LINGO2: variants seen among roughly 807,000 people sequenced by gnomAD.
LINGO2 encodes the protein leucine rich repeat and Ig domain containing 2.
LINGO2 carries 14 observed loss-of-function variants against 30.6 expected under a neutral mutation model. The observed-to-expected ratio is 0.46, with a 90% CI of 0.30 to 0.72. The LOEUF is 0.72. Among genes scored for constraint, LINGO2 ranks in the 30% least tolerant of loss-of-function variants. The pLI is 0.07. For missense variants in LINGO2, 729 were observed against 751.7 expected, an observed-to-expected ratio of 0.97 and a Z score of 0.35; for synonymous variants, 317 against 288.5, an observed-to-expected ratio of 1.10 and a Z score of -1.00.
intron 4 of LINGO2, among the ~76,000 whole-genome samples, chr9:28,105,719 ACTCTCT>A (rs369866533): frequency 9.5e-5 from 14 of 147,756 alleles, no homozygotes; most frequent in African/African-American, 3.0e-4. Flanking sequence ...AACCTGTCTC[ACTCTCT>A]CTCTCTCTCT....
intron 5 of LINGO2, among the ~76,000 whole-genome samples, chr9:27,955,228 A>T (rs1819508478): frequency 6.6e-6 from 1 of 152,210 alleles, no homozygotes; most frequent in African/African-American, 2.4e-5. Context: ...TTATTTAGTT[A>T]CCTTGACATT....
chr9:27,976,099 C>A (rs1160724609), intron 5 of LINGO2, among the ~76,000 whole-genome samples: 2 of 152,070 alleles, frequency 1.3e-5, no homozygotes, highest in Non-Finnish European at 2.9e-5. Context: ...CTCAATTTTA[C>A]CTTTGTAAAA....
chr9:28,506,421 TACAC>T (rs1235639387), intron 1 of LINGO2, among the ~76,000 whole-genome samples: 10 of 5,146 alleles, frequency 1.9e-3, no homozygotes, highest in Admixed American at 4.3e-3. Context: ...TATATATATA[TACAC>T]ACACACACAC....
At chr9:28,730,043 T>A in the LINGO2 span, among the ~76,000 whole-genome samples, 1 of 152,040 alleles carries the variant, frequency 6.6e-6, no homozygotes, top group African/African-American at 2.4e-5. Context: ...AAAATAAAAA[T>A]AATTTTAACT....
chr9:29,145,418 GT>G, the LINGO2 span, among the ~76,000 whole-genome samples: 1 of 146,624 alleles, frequency 6.8e-6, no homozygotes, highest in Admixed American at 6.9e-5. Context: ...GAAAAAATTA[GT>G]GTTTTTTTTT....
the LINGO2 span, among the ~76,000 whole-genome samples, chr9:28,715,010 T>C: frequency 6.6e-6 from 1 of 152,176 alleles, no homozygotes; most frequent in African/African-American, 2.4e-5. Context: ...CTGTATCTTT[T>C]GTATTTTTAT....
chr9:28,760,492 A>T, the LINGO2 span, among the ~76,000 whole-genome samples: 2 of 152,072 alleles, frequency 1.3e-5, no homozygotes, highest in African/African-American at 4.8e-5. Flanking sequence ...AAGGCTTGTT[A>T]AATTTTCTTT....
chr9:28,047,189 C>T (rs187038020), intron 4 of LINGO2, among the ~76,000 whole-genome samples: 3 of 152,210 alleles, frequency 2.0e-5, no homozygotes, highest in Non-Finnish European at 2.9e-5. Context: ...CTTCGTCTTT[C>T]GGCCACTTTG....
At chr9:28,459,592 T>C (rs978846016) in intron 2 of LINGO2, among the ~76,000 whole-genome samples, 12 of 152,046 alleles carry the variant, frequency 7.9e-5, no homozygotes, top group African/African-American at 2.7e-4. Context: ...TTAATATGGA[T>C]CTAGGGTCCC....
intron 4 of LINGO2, among the ~76,000 whole-genome samples, chr9:28,125,509 A>C (rs1270233917): frequency 2.0e-5 from 3 of 152,228 alleles, no homozygotes; most frequent in Non-Finnish European, 4.4e-5. Context: ...CCAAATGCTG[A>C]AGCTAGACTG....
chr9:27,998,111 T>C (rs1031861381), intron 5 of LINGO2, among the ~76,000 whole-genome samples: 1 of 152,228 alleles, frequency 6.6e-6, no homozygotes, highest in Non-Finnish European at 1.5e-5. Context: ...GCACAGGCCC[T>C]TGAAAGGTAA....
At chr9:28,652,888 C>T (rs1486731758) in intron 1 of LINGO2, among the ~76,000 whole-genome samples, 3 of 151,820 alleles carry the variant, frequency 2.0e-5, no homozygotes, top group Admixed American at 2.0e-4. Context: ...TAGTGAGACA[C>T]CAGATTTGAA....
the LINGO2 span, among the ~76,000 whole-genome samples, chr9:29,176,646 GC>G: frequency 1.1e-4 from 17 of 152,156 alleles, no homozygotes; most frequent in Non-Finnish European, 2.4e-4. Flanking sequence ...AGGAAATCTA[GC>G]ATCTAAGAAA....
intron 1 of LINGO2, among the ~76,000 whole-genome samples, chr9:28,611,574 A>G (rs1482462381): frequency 2.6e-5 from 4 of 152,120 alleles, no homozygotes; most frequent in African/African-American, 9.7e-5. Context: ...GGCAAATACC[A>G]TTCTACTTTC....
the LINGO2 span, among the ~76,000 whole-genome samples, chr9:28,778,180 C>A: frequency 1.5e-3 from 222 of 152,194 alleles, 5 homozygotes; most frequent in East Asian, 0.036. Flanking sequence ...TTATTTTCTC[C>A]TTCTCTTTTA....
the LINGO2 span, among the ~76,000 whole-genome samples, chr9:28,700,113 G>A: frequency 1.3e-5 from 2 of 151,888 alleles, no homozygotes; most frequent in African/African-American, 4.8e-5. Flanking sequence ...TGCTGGTTTT[G>A]TGGCTCAGGT....
At chr9:27,982,975 T>A (rs1199977132) in intron 5 of LINGO2, among the ~76,000 whole-genome samples, 1 of 151,820 alleles carries the variant, frequency 6.6e-6, no homozygotes, top group Non-Finnish European at 1.5e-5. Flanking sequence ...ACGTACTCTG[T>A]CTTTCCTACT....
chr9:28,365,681 T>A (rs367933812), intron 3 of LINGO2, among the ~76,000 whole-genome samples: 1 of 151,928 alleles, frequency 6.6e-6, no homozygotes, highest in East Asian at 1.9e-4. Flanking sequence ...CTTCACCTGC[T>A]TTGGGGTTTA....
chr9:29,030,756 T>G, the LINGO2 span, among the ~76,000 whole-genome samples: 1 of 152,220 alleles, frequency 6.6e-6, no homozygotes, highest in South Asian at 2.1e-4. Context: ...CTGTGATTAA[T>G]AAACATCTTT....
Sources: gnomAD v4.1 joint callset for allele counts (sites outside exome capture counted in the v4.1 genomes callset) on GRCh38, gnomAD v4.1.1 for gene constraint, MANE v1.5 for transcripts, NCBI Gene and HGNC (gene_info 2026-07-23, HGNC 2026-07-21) for gene names.